SHROOM2: variants seen among roughly 807,000 people sequenced by gnomAD.
The protein encoded by SHROOM2 is protein Shroom2.
In SHROOM2, 33 loss-of-function variants were observed where a neutral mutation model predicts 75.9. The ratio of observed to expected loss-of-function variants is 0.43; its 90% confidence interval spans 0.33 to 0.58. The LOEUF is 0.58. Ranked by LOEUF, SHROOM2 falls within the 20% of genes least tolerant of loss-of-function variation. SHROOM2 has a pLI of 0.04. For synonymous variants in SHROOM2, 655 were observed against 663.6 expected (o/e 0.99, Z 0.20); for missense variants, 1,434 against 1,461.2 (o/e 0.98, Z 0.30).
chrX:9,930,308 G>T (rs904752164), intron 5 of SHROOM2, among the ~76,000 whole-genome samples: 2 of 111,034 alleles, frequency 1.8e-5, no homozygotes, highest in African/African-American at 6.6e-5. Context: ...TTGAGTCCAG[G>T]AGTTTGAGAC....
In SHROOM2 at chrX:9,833,608, CTGTGTGTG is replaced by C. The variant is rs144161839; in HGVS notation, c.166-40013_166-40006del. On this transcript the variant is annotated intron_variant, in intron 1 of 9. Transcript: ENST00000380913. Reference sequence around the variant, plus strand: ...CAATGAAGAGACACACAAGTAGACTCTGTGTGTGTGTGTGTGTGTGTGTGTGTGTGTGT... The same window carrying C: ...CAATGAAGAGACACACAAGTAGACTCTGTGTGTGTGTGTGTGTGTGTGTGT... Among the ~76,000 whole-genome samples the C allele has an allele frequency of 2.8e-3, 268 of 94,880 alleles. 1 individual carries two copies. Among genetic ancestry groups the C allele is most frequent in the East Asian group, 7.9e-3 (21 of 2,656 alleles). The allele number at this position is 94,880 out of a possible 115,157, so 82.4% of individuals were successfully genotyped here. A position where few individuals can be genotyped will look rare whatever the true frequency, so the allele number is the denominator to read the frequency against.
intron 1 of SHROOM2, among the ~76,000 whole-genome samples, chrX:9,788,790 G>A (rs1199646733): frequency 9.0e-6 from 1 of 110,773 alleles, no homozygotes; most frequent in African/African-American, 3.3e-5. Context: ...CTGTGGGGCT[G>A]CCCTGTGCTT....
At chrX:9,818,168 G>T in intron 1 of SHROOM2, 1 of 152,701 alleles carries the variant, frequency 6.5e-6, no homozygotes. Flanking sequence ...GCGCATACAT[G>T]TTGTGCTGGC....
In SHROOM2 at chrX:9,896,137, C is replaced by T. The variant is rs1375788561; in HGVS notation, c.2229C>T (p.Pro743=). 1.7e-6 allele frequency: 2 copies of T among 1,206,272 alleles called. No individual in the cohort carries two copies. The highest frequency in any genetic ancestry group is 6.0e-5 in the East Asian group (2 of 33,594). ...CACCCTCATCTACAAGTGGCGGGCC[C>T]CACCCGCCCCGCATCGGAGGCCGGA... ...AQPPSSTSGG[P]HPPRIGGRRR... is the part of the protein sequence containing the mutation. Residue 743 remains proline, a synonymous_variant, in exon 4 of 10, where the codon CCC becomes CCT. Coordinates refer to ENST00000380913, the MANE Select transcript of SHROOM2 (RefSeq NM_001649.4).
chrX:9,909,572 A>G (rs914805173), intron 5 of SHROOM2, among the ~76,000 whole-genome samples: 1 of 112,275 alleles, frequency 8.9e-6, no homozygotes, highest in African/African-American at 3.2e-5. Context: ...TTGACAGGTA[A>G]GTCACATTGA....
At chrX:9,792,466 T>G (rs187191598) in intron 1 of SHROOM2, among the ~76,000 whole-genome samples, 1,212 of 108,189 alleles carry the variant, frequency 0.011, 14 homozygotes, top group African/African-American at 0.036. Flanking sequence ...TGTTTTTTTT[T>G]TTGTTGTTGT....
At chrX:9,803,460 G>C (rs1247278862) in intron 1 of SHROOM2, among the ~76,000 whole-genome samples, 1 of 111,770 alleles carries the variant, frequency 8.9e-6, no homozygotes. Context: ...ACTGGCTCAG[G>C]TGCCAGAGGC....
chrX:9,832,776 C>T, intron 1 of SHROOM2, among the ~76,000 whole-genome samples: 1 of 111,109 alleles, frequency 9.0e-6, no homozygotes. Flanking sequence ...CACTCTGAGC[C>T]CGCTTCTCTG....
chrX:9,834,388 G>T (rs2083932958), intron 1 of SHROOM2, among the ~76,000 whole-genome samples: 1 of 112,295 alleles, frequency 8.9e-6, no homozygotes, highest in Non-Finnish European at 1.9e-5. Context: ...AATGTTGTGC[G>T]CATGGGAAAT....
At chrX:9,837,497 G>A (rs1465817142) in intron 1 of SHROOM2, among the ~76,000 whole-genome samples, 2 of 112,297 alleles carry the variant, frequency 1.8e-5, no homozygotes, top group Non-Finnish European at 3.8e-5. Flanking sequence ...AACGTGTGGT[G>A]TGCACATGTC....
chrX:9,874,671 A>G (rs2084188431), intron 2 of SHROOM2: 2 of 111,240 alleles, frequency 1.8e-5, no homozygotes, highest in Non-Finnish European at 3.8e-5. Context: ...GTGACTAATT[A>G]TTTGTAAACA....
intron 1 of SHROOM2, among the ~76,000 whole-genome samples, chrX:9,850,567 G>T (rs1263870286): frequency 9.0e-6 from 1 of 111,645 alleles, no homozygotes; most frequent in Non-Finnish European, 1.9e-5. Context: ...AGCCAGGCGT[G>T]GTGGTGCACG....
At chrX:9,855,295 TAAAAAAAA>T (rs57235424) in intron 1 of SHROOM2, among the ~76,000 whole-genome samples, 18 of 39,299 alleles carry the variant, frequency 4.6e-4, no homozygotes, top group Non-Finnish European at 6.7e-4. Context: ...TAAAGTATAG[TAAAAAAAA>T]AAAAAAAAAA....
intron 1 of SHROOM2, among the ~76,000 whole-genome samples, chrX:9,841,256 ATT>A (rs61348478): frequency 2.8e-5 from 3 of 107,901 alleles, no homozygotes; most frequent in African/African-American, 1.0e-4. Flanking sequence ...GTGCCTGGCC[ATT>A]TTTTTTTTCT....
chrX:9,916,543 C>T (rs1380634383), intron 5 of SHROOM2, among the ~76,000 whole-genome samples: 1 of 112,153 alleles, frequency 8.9e-6, no homozygotes, highest in Admixed American at 9.5e-5. Context: ...AAAGTGTATG[C>T]TTACTATTTA....
chrX:9,845,840 T>C (rs1486379418), intron 1 of SHROOM2, among the ~76,000 whole-genome samples: 3 of 108,424 alleles, frequency 2.8e-5, no homozygotes, highest in African/African-American at 1.0e-4. Flanking sequence ...GCTACCCAGA[T>C]CAAGAGATGG....
intron 2 of SHROOM2, among the ~76,000 whole-genome samples, chrX:9,888,591 G>A (rs1569158914): frequency 3.6e-5 from 4 of 110,896 alleles, no homozygotes; most frequent in South Asian, 7.7e-4. Flanking sequence ...CCACAGATGC[G>A]CGCCACCACG....
intron 9 of SHROOM2, among the ~76,000 whole-genome samples, chrX:9,946,318 C>T: frequency 8.8e-6 from 1 of 113,247 alleles, no homozygotes. Context: ...GCCCCGCAGT[C>T]CTTTGCCCTT....
At chrX:9,867,146 T>G (rs1187361769) in intron 1 of SHROOM2, among the ~76,000 whole-genome samples, 1 of 111,845 alleles carries the variant, frequency 8.9e-6, no homozygotes, top group Non-Finnish European at 1.9e-5. Flanking sequence ...TGATTAACTG[T>G]TTTTTTCCTG....
Sources: gnomAD v4.1 joint callset for allele counts (sites outside exome capture counted in the v4.1 genomes callset) on GRCh38, gnomAD v4.1.1 for gene constraint, MANE v1.5 for transcripts, NCBI Gene and HGNC (gene_info 2026-07-23, HGNC 2026-07-21) for gene names.